FBXL20: variants seen among roughly 807,000 people sequenced by gnomAD.
The protein encoded by FBXL20 is F-box/LRR-repeat protein 20.
A neutral mutation model predicts 64.0 loss-of-function variants in FBXL20; 11 were observed. That is an observed-to-expected ratio of 0.17 (90% CI 0.11 to 0.28). The LOEUF is 0.28. Ranked by LOEUF, FBXL20 falls within the 10% of genes least tolerant of loss-of-function variation. The pLI is 1.00. For synonymous variants in FBXL20, 184 were observed against 189.0 expected (o/e 0.97, Z 0.22); for missense variants, 303 against 526.2 (o/e 0.58, Z 4.15).
In FBXL20 at chr17:39,342,444, C is replaced by T. The variant is rs185330780; in HGVS notation, c.104+736G>A. 4.0e-5 allele frequency among the ~76,000 whole-genome samples: 6 copies of T among 151,794 alleles called. No homozygotes were observed. In the East Asian group the frequency reaches 5.8e-4, roughly 15 times the overall value. Reference sequence around the variant, plus strand: ...AAAAAAAAAAATTGGGGCTGGGCACCGTGGCTCACGCCTGTAATCCCAGCA... The same window carrying T: ...AAAAAAAAAAATTGGGGCTGGGCACTGTGGCTCACGCCTGTAATCCCAGCA... On this transcript the variant is annotated intron_variant, in intron 2 of 14. Coordinates refer to ENST00000264658, the MANE Select transcript of FBXL20 (RefSeq NM_032875.3).
chr17:39,269,967 T>C (rs1452608138), intron 11 of FBXL20, among the ~76,000 whole-genome samples: 4 of 152,232 alleles, frequency 2.6e-5, no homozygotes, highest in Non-Finnish European at 4.4e-5. Flanking sequence ...ATTAATATTC[T>C]ATCGATCTGC....
intron 2 of FBXL20, among the ~76,000 whole-genome samples, chr17:39,328,469 T>C (rs1264728105): frequency 6.6e-6 from 1 of 151,974 alleles, no homozygotes. Flanking sequence ...TGGAAGGGGA[T>C]CCCACTGGCT....
chr17:39,293,261 G>A (rs1056974098), intron 6 of FBXL20, among the ~76,000 whole-genome samples: 14 of 150,970 alleles, frequency 9.3e-5, no homozygotes, highest in East Asian at 2.0e-4. Context: ...TCGCTCTGTC[G>A]CCCAGGCTGG....
rs1466622330 is a variant in FBXL20, at chr17:39,297,193, G to A, written c.332C>T (p.Thr111Ile). The A allele has an allele frequency of 3.7e-6, 6 of 1,606,278 alleles. No individual in the cohort carries two copies. The African/African-American group carries it at 8.0e-5, about 21-fold the overall frequency. The part of the protein sequence containing the change: ...CLGVGDNALR[T>I]FAQNCRNIEV... ...AATGTTCCTGCAGTTTTGTGCAAAG[G>A]TTCTTTGTAGGAAAGAAAGTAAGAG... Residue 111 changes from threonine to isoleucine, a missense_variant and splice_region_variant, in exon 6 of 15, where the codon ACC (threonine) becomes ATC (isoleucine). Physicochemically the swap from Thr to Ile is moderately conservative, Grantham distance 89. This residue lies in a region of FBXL20 where 246 missense variants were observed against 422.6 expected (regional missense o/e 0.58). Coordinates refer to ENST00000264658, the MANE Select transcript of FBXL20 (RefSeq NM_032875.3).
At position 39,333,649 on chromosome 17, in the gene FBXL20, TG is replaced by T. The variant is rs963818718; in HGVS notation, c.104+9530del. ...AGACCCTCTGCCCGGCTGCCCAGTC[TG>T]GGAAGTGTGGAGCGCCTCTTCCCGG... On this transcript the variant is annotated intron_variant, in intron 2 of 14. Transcript: ENST00000264658. Among the ~76,000 whole-genome samples the T allele has an allele frequency of 4.0e-4, 61 of 151,228 alleles. 1 individual carries two copies. Among genetic ancestry groups the T allele is most frequent in the African/African-American group, 1.5e-3 (60 of 41,124 alleles).
chr17:39,365,512 G>C (rs563851360), intron 1 of FBXL20, among the ~76,000 whole-genome samples: 1 of 152,182 alleles, frequency 6.6e-6, no homozygotes, highest in East Asian at 1.9e-4. Context: ...TACTTAATAG[G>C]TCAAACTTTC....
intron 1 of FBXL20, among the ~76,000 whole-genome samples, chr17:39,397,882 C>G (rs1011669302): frequency 1.3e-5 from 2 of 151,576 alleles, no homozygotes; most frequent in Admixed American, 1.3e-4. Flanking sequence ...GATTGGAATC[C>G]TGGTTCCCCC....
chr17:39,325,241 C>T (rs911146625), intron 2 of FBXL20, among the ~76,000 whole-genome samples: 3 of 152,092 alleles, frequency 2.0e-5, no homozygotes, highest in Non-Finnish European at 4.4e-5. Flanking sequence ...TCAGACAAAA[C>T]TCTTGTGAAA....
chr17:39,327,741 C>T (rs181504789), intron 2 of FBXL20, among the ~76,000 whole-genome samples: 3 of 152,222 alleles, frequency 2.0e-5, no homozygotes, highest in East Asian at 3.9e-4. Flanking sequence ...CGCTCTGTCG[C>T]CCAGGCTGTA....
chr17:39,279,603 A>T (rs899125388), intron 9 of FBXL20, among the ~76,000 whole-genome samples: 12 of 151,958 alleles, frequency 7.9e-5, no homozygotes, highest in African/African-American at 2.9e-4. Flanking sequence ...AAAAAGCTAA[A>T]GGTGTACTGT....
intron 1 of FBXL20, among the ~76,000 whole-genome samples, chr17:39,357,129 C>T (rs938525818): frequency 6.6e-6 from 1 of 151,574 alleles, no homozygotes; most frequent in Non-Finnish European, 1.5e-5. Context: ...CAAAATTAGC[C>T]GGGCGTGGTG....
At chr17:39,395,560 AT>A (rs1440213327) in intron 1 of FBXL20, among the ~76,000 whole-genome samples, 2 of 152,250 alleles carry the variant, frequency 1.3e-5, no homozygotes, top group Non-Finnish European at 1.5e-5. Flanking sequence ...TATAAGTTAG[AT>A]AATTGTTTTC....
At chr17:39,375,836 G>A (rs1034289583) in intron 1 of FBXL20, among the ~76,000 whole-genome samples, 2 of 152,052 alleles carry the variant, frequency 1.3e-5, no homozygotes, top group African/African-American at 4.8e-5. Flanking sequence ...AATAACATCC[G>A]TGGCTGGGCG....
chr17:39,281,433 C>T lies in FBXL20; in HGVS notation c.652G>A (p.Ala218Thr). The change falls in exon 9 of 15, where the codon GCA becomes ACA. Residue 218 changes from alanine to threonine, a missense_variant. Ala to Thr is a moderately conservative substitution (Grantham distance 58). Around this residue, in one of 3 missense-constraint regions of FBXL20, gnomAD observed 246 missense variants for 422.6 expected, o/e 0.58. Transcript: ENST00000264658. ...LEDEALKYIG[A>T]HCPELVTLNL... Reference sequence around the variant, plus strand: ...AAAGTCACCAGTTCAGGGCAGTGTGCACCTATGTACTTGAGAGCTTCATCT... The same window carrying T: ...AAAGTCACCAGTTCAGGGCAGTGTGTACCTATGTACTTGAGAGCTTCATCT... 6.2e-7 allele frequency: 1 copy of T among 1,613,708 alleles called. No individual in the cohort carries two copies. The highest frequency in any genetic ancestry group is 1.7e-5 in the Admixed American group (1 of 59,942).
At chr17:39,360,926 T>A (rs1432896929) in intron 1 of FBXL20, among the ~76,000 whole-genome samples, 1 of 152,198 alleles carries the variant, frequency 6.6e-6, no homozygotes, top group Non-Finnish European at 1.5e-5. Flanking sequence ...CATGTATTAA[T>A]ACATGACATG....
At chr17:39,357,646 C>T (rs1241572546) in intron 1 of FBXL20, among the ~76,000 whole-genome samples, 1 of 152,178 alleles carries the variant, frequency 6.6e-6, no homozygotes, top group Non-Finnish European at 1.5e-5. Context: ...TTCTGGGGCT[C>T]AAGCGAAGCT....
chr17:39,366,292 C>T (rs2047859174), intron 1 of FBXL20, among the ~76,000 whole-genome samples: 1 of 152,122 alleles, frequency 6.6e-6, no homozygotes, highest in Non-Finnish European at 1.5e-5. Flanking sequence ...TTTTTTTCTA[C>T]TTTCTAGACT....
rs777266200 is a variant in FBXL20 at position 39,264,297 on chromosome 17, G to A, written c.1081C>T (p.Leu361=). Residue 361 remains leucine, a synonymous_variant, in exon 14 of 15, where the codon CTG becomes TTG. Transcript: ENST00000264658. ...CAHDQLEVIE[L]DNCPLITDAS... is the part of the protein sequence containing the mutation. The stretch of plus-strand genomic sequence containing the variant: ...TCTGTGATTAGTGGGCAGTTGTCCA[G>A]CTCAATCACCTCCAGCTGGTCATGG... The A allele has an allele frequency of 3.1e-6, 5 of 1,614,096 alleles. No homozygotes were observed. The highest frequency in any genetic ancestry group is 4.2e-6 in the Non-Finnish European group (5 of 1,180,056).
chr17:39,401,818 C>A, upstream of FBXL20: 1 of 687,432 alleles, frequency 1.5e-6, no homozygotes, highest in South Asian at 6.8e-5. Context: ...CCGGGAGCAG[C>A]CGGTGCGCGG....
Sources: gnomAD v4.1 joint callset for allele counts (sites outside exome capture counted in the v4.1 genomes callset) on GRCh38, gnomAD v4.1.1 for gene constraint, gnomAD v4.1.1 regional missense constraint, MANE v1.5 for transcripts, NCBI Gene and HGNC (gene_info 2026-07-23, HGNC 2026-07-21) for gene names.